ZNF831: variants seen among roughly 807,000 people sequenced by gnomAD.
The protein encoded by ZNF831 is chromosome 20 open reading frame 174.
In ZNF831, 59 loss-of-function variants were observed where a neutral mutation model predicts 95.8. The ratio of observed to expected loss-of-function variants is 0.62; its 90% CI spans 0.50 to 0.77. The LOEUF is 0.77. Among genes scored for constraint, ZNF831 ranks in the 30% least tolerant of loss-of-function variants. The probability of loss-of-function intolerance (pLI) is 0.00; values close to 1 mark genes in which losing one functional copy is unlikely to be tolerated. For missense variants in ZNF831, 2,205 were observed against 2,164.0 expected (o/e 1.02, Z -0.38); for synonymous variants, 961 against 925.5 (o/e 1.04, Z -0.70).
intron 2 of ZNF831, among the ~76,000 whole-genome samples, chr20:59,154,772 T>A (rs1214994478): frequency 6.6e-6 from 1 of 152,204 alleles, no homozygotes; most frequent in Non-Finnish European, 1.5e-5. Flanking sequence ...GCCTTGGCAC[T>A]CACCGCACCG....
At chr20:59,176,394 G>A (rs919330933) in intron 1 of ZNF831, among the ~76,000 whole-genome samples, 2 of 152,136 alleles carry the variant, frequency 1.3e-5, no homozygotes, top group South Asian at 2.1e-4. Context: ...GTTGTTACAC[G>A]ACTGTATTTA....
intron 4 of ZNF831, among the ~76,000 whole-genome samples, chr20:59,247,401 C>T (rs1299170210): frequency 1.3e-5 from 2 of 152,204 alleles, no homozygotes; most frequent in African/African-American, 2.4e-5. Context: ...GTGTCTGCCT[C>T]GTTTTCCACA....
chr20:59,150,707 G>A (rs960909892), intron 2 of ZNF831, among the ~76,000 whole-genome samples: 2 of 152,128 alleles, frequency 1.3e-5, no homozygotes, highest in African/African-American at 2.4e-5. Context: ...GCCAGCACAC[G>A]CTGTCATTTT....
At chr20:59,204,459 C>T (rs1180098557) in intron 3 of ZNF831, among the ~76,000 whole-genome samples, 2 of 152,198 alleles carry the variant, frequency 1.3e-5, no homozygotes, top group Non-Finnish European at 2.9e-5. Flanking sequence ...AGAGCTTTGA[C>T]AGCAGTCCCA....
intron 1 of ZNF831, among the ~76,000 whole-genome samples, chr20:59,179,221 C>T (rs570457725): frequency 5.3e-5 from 8 of 152,172 alleles, no homozygotes; most frequent in African/African-American, 7.2e-5. Flanking sequence ...CCTGTGAAGA[C>T]GACTCTTTAT....
intron 4 of ZNF831, among the ~76,000 whole-genome samples, chr20:59,239,991 C>A (rs1383250403): frequency 6.6e-6 from 1 of 152,230 alleles, no homozygotes; most frequent in Non-Finnish European, 1.5e-5. Flanking sequence ...CTCCAGCCCC[C>A]ACCCCTGCCT....
Position 59,193,365 on chromosome 20 carries a change from C to G in ZNF831, c.2346C>G (p.Asp782Glu), listed in dbSNP as rs370670266. 1 of 1,609,276 alleles carries G rather than the reference C, an allele frequency of 6.2e-7. No individual in the cohort carries two copies. The highest frequency in any genetic ancestry group is 8.5e-7 in the Non-Finnish European group (1 of 1,177,606). Residue 782 changes from aspartate to glutamate, a missense_variant, in exon 2 of 6, where the codon GAC (aspartate) becomes GAG (glutamate). Coordinates refer to ENST00000371030, the MANE Select transcript of ZNF831 (RefSeq NM_178457.3). ...AGGCTCCCAGGCCAGTTTGGCCGGA[C>G]CCCAAGCTGGAAGGAGGTGCCCGAG... The part of the protein sequence containing the change: ...DVEAPRPVWP[D>E]PKLEGGARGV...
rs76489863 is a variant in ZNF831, at chr20:59,210,815, G to A, written c.4027+3759G>A. Reference sequence around the variant, plus strand: ...CTTTCTTCACACCTAAATCCCAAGAGCAAACTGGGGGCACCAATGAATGGT... The same window carrying A: ...CTTTCTTCACACCTAAATCCCAAGAACAAACTGGGGGCACCAATGAATGGT... On this transcript the variant is annotated intron_variant, in intron 4 of 5. Coordinates refer to ENST00000371030, the MANE Select transcript of ZNF831 (RefSeq NM_178457.3). Among the ~76,000 whole-genome samples the A allele has an allele frequency of 6.0e-3, 920 of 152,244 alleles. 12 individuals carry two copies. Among genetic ancestry groups the A allele is most frequent in the African/African-American group, 0.021 (876 of 41,542 alleles).
At chr20:59,124,008 C>T (rs1308392499) in intron 1 of ZNF831, among the ~76,000 whole-genome samples, 5 of 152,182 alleles carry the variant, frequency 3.3e-5, no homozygotes, top group African/African-American at 1.2e-4. Flanking sequence ...GGTCTTCCTC[C>T]TGCCAGGAGA....
intron 4 of ZNF831, among the ~76,000 whole-genome samples, chr20:59,240,165 G>A (rs1987245398): frequency 6.7e-6 from 1 of 149,872 alleles, no homozygotes; most frequent in Admixed American, 6.7e-5. Flanking sequence ...CCTCTGTGCG[G>A]AATTGTGTGC....
In ZNF831 at chr20:59,254,131, C is replaced by T. The variant is rs765781186; in HGVS notation, c.4422C>T (p.Ser1474=). The change falls in exon 6 of 6, where the codon TCC becomes TCT. Residue 1474 remains serine, a synonymous_variant. Transcript: ENST00000371030. This position sits in a 1 kb window ranked among gnomAD's most constrained non-coding sequence, Gnocchi z 4.5. ...TCTCAGATGCTCAAAGGCCTTCTTC[C>T]TTTGGGTCCAAAGGAACTTTTCCCC... ...YIFSDAQRPS[S]FGSKGTFPHH... 132 of 1,614,150 alleles carry T rather than the reference C, an allele frequency of 8.2e-5. No individual in the cohort carries two copies. The East Asian group carries it at 2.7e-3, about 34-fold the overall frequency.
At chr20:59,126,187 C>T (rs1400044327) in intron 1 of ZNF831, among the ~76,000 whole-genome samples, 4 of 152,208 alleles carry the variant, frequency 2.6e-5, no homozygotes, top group East Asian at 1.9e-4. Flanking sequence ...ACCTTCCCCA[C>T]GTGTGCCAGA....
At chr20:59,233,217 T>TTA (rs1986832664) in intron 4 of ZNF831, among the ~76,000 whole-genome samples, 1 of 152,142 alleles carries the variant, frequency 6.6e-6, no homozygotes, top group Non-Finnish European at 1.5e-5. Context: ...ATCATTGTTT[T>TTA]TACAACCCAG....
rs1446477577 is a variant in ZNF831, at chr20:59,194,441, A to G, written c.3422A>G (p.Gln1141Arg). 1.5e-5 allele frequency: 24 copies of G among 1,612,854 alleles called. No homozygotes were observed. Among genetic ancestry groups the G allele is most frequent in the Non-Finnish European group, 2.0e-5 (24 of 1,179,684 alleles). The stretch of plus-strand genomic sequence containing the variant: ...TTCCTCACTGCCCTCACTCGGCCTC[A>G]GGGTGTGCCCCCAGGCTGGCCAGAG... ...GSFLTALTRPQGVPPGWPELA... is the reference protein window; with the variant it reads ...GSFLTALTRPRGVPPGWPELA... Residue 1141 changes from glutamine to arginine, a missense_variant, in exon 2 of 6, where the codon CAG (glutamine) becomes CGG (arginine). Gln to Arg is a conservative substitution (Grantham distance 43, BLOSUM62 1). Transcript: ENST00000371030.
intron 4 of ZNF831, among the ~76,000 whole-genome samples, chr20:59,249,605 C>G (rs116407655): frequency 0.012 from 1,855 of 152,164 alleles, 44 homozygotes; most frequent in African/African-American, 0.043. Context: ...AAGCCTGGTT[C>G]TGTGCCATTA....
In ZNF831 at chr20:59,194,087, G is replaced by C. The variant is rs773011283; in HGVS notation, c.3068G>C (p.Gly1023Ala). The change falls in exon 2 of 6, where the codon GGG becomes GCG. Residue 1023 changes from glycine (G) to alanine (A), a missense_variant. By Grantham distance (60) the Gly-to-Ala change is moderately conservative. Transcript: ENST00000371030. ...GATGGGAGAAAAGGGGCACAGTTGG[G>C]GGGGGACAAGGGGGACAGGATGGCC... ...PQDGRKGAQL[G>A]GDKGDRMATS... 2 of 1,542,096 alleles carry C rather than the reference G, an allele frequency of 1.3e-6. No individual in the cohort carries two copies. The highest frequency in any genetic ancestry group is 1.7e-6 in the Non-Finnish European group (2 of 1,144,802).
intron 1 of ZNF831, among the ~76,000 whole-genome samples, chr20:59,143,488 C>T (rs577761476): frequency 6.6e-6 from 1 of 152,352 alleles, no homozygotes; most frequent in African/African-American, 2.4e-5. Flanking sequence ...AAGCCTCTCT[C>T]CCTTCCCTCC....
chr20:59,128,040 G>A (rs544517026), intron 1 of ZNF831, among the ~76,000 whole-genome samples: 2 of 152,338 alleles, frequency 1.3e-5, no homozygotes, highest in South Asian at 2.1e-4. Flanking sequence ...GTTTGCAACC[G>A]TGCGTGTGCA....
intron 4 of ZNF831, among the ~76,000 whole-genome samples, chr20:59,211,386 A>G (rs1713337341): frequency 6.6e-6 from 1 of 152,244 alleles, no homozygotes; most frequent in Non-Finnish European, 1.5e-5. Context: ...TAGAAGCCCT[A>G]GCCCAGAGAA....
Sources: allele counts gnomAD v4.1 joint callset (sites outside exome capture counted in the v4.1 genomes callset), GRCh38; gene constraint gnomAD v4.1.1; non-coding constraint Gnocchi (gnomAD v3.1); transcripts MANE v1.5; gene names NCBI Gene and HGNC (gene_info 2026-07-23, HGNC 2026-07-21).